EDIL3: variants seen among roughly 807,000 people sequenced by gnomAD.
The protein encoded by EDIL3 is EGF like and discoidin domains 3.
A neutral mutation model predicts 67.4 loss-of-function variants in EDIL3; 37 were observed. That is an observed-to-expected ratio of 0.55 (90% CI 0.42 to 0.72). The LOEUF is 0.72. EDIL3 is among the 30% of genes least tolerant of loss of function. EDIL3 has a pLI of 0.00. For synonymous variants in EDIL3, 195 were observed against 196.3 expected (o/e 0.99, Z 0.05); for missense variants, 527 against 586.3 (o/e 0.90, Z 1.04).
At chr5:84,299,291 C>A (rs1315636834) in intron 1 of EDIL3, among the ~76,000 whole-genome samples, 1 of 152,106 alleles carries the variant, frequency 6.6e-6, no homozygotes, top group East Asian at 1.9e-4. Flanking sequence ...CTGGAAGTAC[C>A]TAAAGAGCAG....
intron 9 of EDIL3, among the ~76,000 whole-genome samples, chr5:84,055,815 T>A (rs1746435236): frequency 6.6e-6 from 1 of 152,094 alleles, no homozygotes; most frequent in Non-Finnish European, 1.5e-5. Context: ...AAACAACAGG[T>A]GCTGGAGAGG....
At chr5:84,331,781 T>C (rs1032866225) in intron 1 of EDIL3, among the ~76,000 whole-genome samples, 1 of 152,216 alleles carries the variant, frequency 6.6e-6, no homozygotes, top group Admixed American at 6.5e-5. Context: ...TCAACTTTAG[T>C]ACAGAGCCTA....
chr5:84,128,998 C>A, intron 5 of EDIL3, among the ~76,000 whole-genome samples: 1 of 152,110 alleles, frequency 6.6e-6, no homozygotes, highest in Non-Finnish European at 1.5e-5. Flanking sequence ...AAGTATTTAA[C>A]AAGTCCCACA....
chr5:83,952,443 C>T (rs538915498), intron 10 of EDIL3, among the ~76,000 whole-genome samples: 3 of 151,740 alleles, frequency 2.0e-5, no homozygotes, highest in African/African-American at 7.3e-5. Flanking sequence ...TATCTGCCTT[C>T]CACTACTCAG....
In EDIL3 at chr5:83,942,183, A is replaced by T. The variant is rs549146378; in HGVS notation, c.*1236T>A. The T allele has an allele frequency of 6.6e-6, 1 of 152,174 alleles. No individual in the cohort carries two copies. The highest frequency in any genetic ancestry group is 2.1e-4 in the South Asian group (1 of 4,830). The allele number at this position is 152,174 out of a possible 1,614,324, so 9.4% of individuals were successfully genotyped here. On this transcript the variant is annotated 3_prime_UTR_variant, in exon 11 of 11. Coordinates refer to ENST00000296591, the MANE Select transcript of EDIL3 (RefSeq NM_005711.5). ...TGTCAATGAAACCTCCAGTATCAAT[A>T]ACAAATTGTTATGATAATTGCTTAT...
chr5:84,280,505 T>A (rs62363027), intron 1 of EDIL3, among the ~76,000 whole-genome samples: 1 of 152,128 alleles, frequency 6.6e-6, no homozygotes, highest in East Asian at 1.9e-4. Flanking sequence ...TATCTGTGAA[T>A]ATATTTTTTA....
At chr5:84,122,895 A>G (rs1426474438) in intron 5 of EDIL3, among the ~76,000 whole-genome samples, 1 of 151,954 alleles carries the variant, frequency 6.6e-6, no homozygotes, top group Non-Finnish European at 1.5e-5. Context: ...ATAACATTTA[A>G]TACTTTAGTT....
intron 6 of EDIL3, among the ~76,000 whole-genome samples, chr5:84,079,302 C>T (rs537527200): frequency 5.9e-5 from 9 of 151,980 alleles, no homozygotes; most frequent in African/African-American, 2.2e-4. Flanking sequence ...ATTATTTGAA[C>T]CCAGTGAGGG....
At chr5:84,369,110 T>C (rs943188995) in intron 1 of EDIL3, among the ~76,000 whole-genome samples, 2 of 151,908 alleles carry the variant, frequency 1.3e-5, no homozygotes, top group African/African-American at 4.8e-5. Flanking sequence ...ATTACATTTC[T>C]GGGTATATAA....
chr5:84,259,460 G>T (rs1222677322), intron 1 of EDIL3, among the ~76,000 whole-genome samples: 2 of 152,194 alleles, frequency 1.3e-5, no homozygotes, highest in African/African-American at 4.8e-5. Context: ...GATTAGGACA[G>T]ATGTGTTTAA....
chr5:84,322,937 T>A (rs982610420), intron 1 of EDIL3, among the ~76,000 whole-genome samples: 1 of 151,712 alleles, frequency 6.6e-6, no homozygotes, highest in Non-Finnish European at 1.5e-5. Flanking sequence ...AGAAAAAAAA[T>A]GTCAATCAAG....
chr5:84,105,841 CA>C, intron 6 of EDIL3, among the ~76,000 whole-genome samples: 1 of 152,168 alleles, frequency 6.6e-6, no homozygotes, highest in Non-Finnish European at 1.5e-5. Context: ...AGGCCTAGCT[CA>C]AAAGCTATCT....
At chr5:83,991,039 C>T (rs1745142236) in intron 9 of EDIL3, among the ~76,000 whole-genome samples, 1 of 152,122 alleles carries the variant, frequency 6.6e-6, no homozygotes, top group African/African-American at 2.4e-5. Context: ...AAAGGTGAAG[C>T]ACACTGCTGT....
At chr5:84,143,175 T>G (rs1748234318) in intron 4 of EDIL3, among the ~76,000 whole-genome samples, 1 of 152,086 alleles carries the variant, frequency 6.6e-6, no homozygotes, top group Non-Finnish European at 1.5e-5. Context: ...CTGAACTTAA[T>G]TATGTCACAA....
intron 5 of EDIL3, among the ~76,000 whole-genome samples, chr5:84,131,950 G>A (rs1015284670): frequency 1.3e-5 from 2 of 151,670 alleles, no homozygotes; most frequent in Admixed American, 6.6e-5. Flanking sequence ...AAGAATATAG[G>A]GGCTGGGCAC....
chr5:84,346,990 A>AT (rs538784616), intron 1 of EDIL3, among the ~76,000 whole-genome samples: 1 of 152,182 alleles, frequency 6.6e-6, no homozygotes, highest in African/African-American at 2.4e-5. Flanking sequence ...ATTAGTTTAA[A>AT]TTTTTTTCTG....
At chr5:84,229,184 C>CCT (rs1744511531) in intron 3 of EDIL3, among the ~76,000 whole-genome samples, 1 of 152,044 alleles carries the variant, frequency 6.6e-6, no homozygotes, top group Non-Finnish European at 1.5e-5. Context: ...ATTTCTCTGA[C>CCT]CTCTCTCACT....
chr5:84,107,626 T>A (rs886209469), intron 5 of EDIL3, among the ~76,000 whole-genome samples: 2 of 151,344 alleles, frequency 1.3e-5, no homozygotes, highest in Non-Finnish European at 3.0e-5. Flanking sequence ...AATTTTCCAA[T>A]GAAATTTTAA....
intron 1 of EDIL3, among the ~76,000 whole-genome samples, chr5:84,282,724 T>A (rs1429717817): frequency 1.3e-5 from 2 of 152,220 alleles, no homozygotes; most frequent in Non-Finnish European, 2.9e-5. Context: ...TGGGTTAAAG[T>A]CTCTACTGCT....
Sources: gnomAD v4.1 joint callset for allele counts (sites outside exome capture counted in the v4.1 genomes callset) on GRCh38, gnomAD v4.1.1 for gene constraint, MANE v1.5 for transcripts, NCBI Gene and HGNC (gene_info 2026-07-23, HGNC 2026-07-21) for gene names.